The following PECAM1 variants were observed in gnomAD, a reference collection of about 807,000 sequenced individuals.
PECAM1 encodes the protein platelet endothelial cell adhesion molecule.
PECAM1 carries 8 observed loss-of-function variants against 13.8 expected under a neutral mutation model. The observed-to-expected ratio is 0.58, with a 90% CI of 0.34 to 1.05. The LOEUF (loss-of-function observed/expected upper bound fraction) is 1.05. PECAM1 is among the 50% of genes least tolerant of loss of function. The pLI is 0.03. For synonymous variants in PECAM1, 136 were observed against 52.6 expected (o/e 2.58, Z -6.86); for missense variants, 304 against 141.2 (o/e 2.15, Z -5.84).
rs940057581 is a variant in PECAM1 at position 64,385,964 on chromosome 17, C to T, written c.91+4525G>A. Among the ~76,000 whole-genome samples the T allele has an allele frequency of 4.7e-4, 72 of 152,254 alleles. 1 individual carries two copies. The highest frequency in any genetic ancestry group is 1.7e-3 in the African/African-American group (70 of 41,542). On this transcript the variant is annotated intron_variant, in intron 2 of 15. Transcript: ENST00000563924. The stretch of plus-strand genomic sequence containing the variant: ...GCTGTGCTGACAAGCTGGGCCCTGT[C>T]CTGAGGGTGTCAGGAGGGGTGTGAC...
intron 3 of PECAM1, among the ~76,000 whole-genome samples, chr17:64,377,091 CGTT>C (rs2036376309): frequency 6.6e-6 from 1 of 152,126 alleles, no homozygotes; most frequent in South Asian, 2.1e-4. Context: ...AAATGGGTAT[CGTT>C]GTTATCTTCC....
At chr17:64,353,306 TACACACACAC>T (rs138867178) in intron 10 of PECAM1, among the ~76,000 whole-genome samples, 175 bp downstream of exon 10, 2 of 28,302 alleles carry the variant, frequency 7.1e-5, no homozygotes, top group African/African-American at 8.8e-5. Context: ...TCCACGGAGG[TACACACACAC>T]ACACACACAC....
intron 13 of PECAM1, among the ~76,000 whole-genome samples, chr17:64,341,918 G>C (rs919923119): frequency 1.3e-5 from 2 of 152,102 alleles, no homozygotes; most frequent in Non-Finnish European, 2.9e-5. Flanking sequence ...GGGAGGGTGA[G>C]GGGGGCAGAT....
At chr17:64,358,547 T>C (rs200146160) in intron 7 of PECAM1, among the ~76,000 whole-genome samples, 1,557 of 152,296 alleles carry the variant, frequency 0.01, 42 homozygotes, top group African/African-American at 0.035. Flanking sequence ...TTTTTCACAA[T>C]GTTTACCCAC....
At chr17:64,371,701 C>T (rs1416383905) in intron 4 of PECAM1, among the ~76,000 whole-genome samples, 2 of 151,674 alleles carry the variant, frequency 1.3e-5, no homozygotes, top group Non-Finnish European at 2.9e-5. Flanking sequence ...GTGGTGGCAG[C>T]CCCCTGTAAT....
intron 12 of PECAM1, among the ~76,000 whole-genome samples, chr17:64,348,866 G>A (rs1294051709): frequency 4.6e-5 from 7 of 152,178 alleles, no homozygotes; most frequent in South Asian, 2.1e-4. Context: ...ACAGGGCCTC[G>A]GGGCCCATGG....
At chr17:64,360,582 CTGTGTGTGTG>C (rs10589772) in intron 6 of PECAM1, among the ~76,000 whole-genome samples, 167 bp from the exon 7 acceptor site, 48 of 139,480 alleles carry the variant, frequency 3.4e-4, no homozygotes, top group African/African-American at 1.1e-3. Flanking sequence ...GACTGACAGG[CTGTGTGTGTG>C]TGTGTGTGTG....
At chr17:64,339,171 A>G (rs2035363166) in intron 14 of PECAM1, among the ~76,000 whole-genome samples, 1 of 152,120 alleles carries the variant, frequency 6.6e-6, no homozygotes, top group Non-Finnish European at 1.5e-5. Flanking sequence ...TCCTGCAGCG[A>G]GGATCCCTGC....
chr17:64,350,307 GT>G, intron 12 of PECAM1, 72 bp downstream of exon 12: 1 of 404,584 alleles, frequency 2.5e-6, no homozygotes. Context: ...TCAAGTTTTA[GT>G]TTTCTTTTCC....
At chr17:64,373,127 A>G (rs2036279520) in intron 4 of PECAM1, among the ~76,000 whole-genome samples, 1 of 149,280 alleles carries the variant, frequency 6.7e-6, no homozygotes, top group Admixed American at 6.6e-5. Flanking sequence ...AAATAAATAA[A>G]TAAATAAATA....
At chr17:64,361,122 A>G (rs1438380458) in intron 6 of PECAM1, among the ~76,000 whole-genome samples, 2 of 71,694 alleles carry the variant, frequency 2.8e-5, no homozygotes, top group East Asian at 9.6e-4. Flanking sequence ...CACCTGGCTG[A>G]GCATATATGT....
chr17:64,365,627 A>T (rs1381256609), intron 5 of PECAM1, among the ~76,000 whole-genome samples: 4 of 152,078 alleles, frequency 2.6e-5, no homozygotes, highest in Non-Finnish European at 5.9e-5. Flanking sequence ...AAACAGAGAT[A>T]TAGATCAATG....
At chr17:64,378,896 G>A (rs4072032) in intron 2 of PECAM1, 62,519 of 152,112 alleles carry the variant, frequency 0.41, 14,176 homozygotes, top group South Asian at 0.58. Flanking sequence ...TACATTAAGT[G>A]CTTAATAAAT....
intron 4 of PECAM1, among the ~76,000 whole-genome samples, chr17:64,370,631 C>A (rs1278943894): frequency 6.6e-6 from 1 of 152,122 alleles, no homozygotes; most frequent in African/African-American, 2.4e-5. Context: ...ACTTAGGAAG[C>A]CCAGGAGTTC....
intron 2 of PECAM1, among the ~76,000 whole-genome samples, chr17:64,379,781 T>G (rs2036441546): frequency 1.3e-5 from 2 of 152,090 alleles, no homozygotes; most frequent in African/African-American, 2.4e-5. Flanking sequence ...CCCAGAATTT[T>G]GGGAGGCCGA....
rs978141779 is a variant in PECAM1 at position 64,323,270 on chromosome 17, A to G, written c.*546T>C. On this transcript the variant is annotated 3_prime_UTR_variant, in exon 16 of 16. Coordinates refer to ENST00000563924, the MANE Select transcript of PECAM1 (RefSeq NM_000442.5). ...TGCTCCCAAGTAGTCTGGTTTTCCC[A>G]TTTGTGGAGGGCGAGGTCATAGAGG... The G allele has an allele frequency of 2.4e-5, 24 of 992,982 alleles. No individual in the cohort carries two copies. Among genetic ancestry groups the G allele is most frequent in the Non-Finnish European group, 2.8e-5 (23 of 834,482 alleles). 61.5% of individuals were successfully genotyped at this position (992,982 alleles called of 1,614,324 possible). A position where few individuals can be genotyped will look rare whatever the true frequency, so the allele number is the denominator to read the frequency against.
chr17:64,361,595 A>C (rs1275091359), intron 6 of PECAM1, among the ~76,000 whole-genome samples: 2 of 151,798 alleles, frequency 1.3e-5, no homozygotes, highest in African/African-American at 4.8e-5. Flanking sequence ...CTCTACTGAA[A>C]ATACAAAATT....
Position 64,340,465 on chromosome 17 carries a change from A to T in PECAM1, c.2164+1169T>A, listed in dbSNP as rs970625855. Among the ~76,000 whole-genome samples, 109 of 152,254 alleles carry T rather than the reference A, an allele frequency of 7.2e-4. 1 individual carries two copies. Among genetic ancestry groups the T allele is most frequent in the Admixed American group, 1.9e-3 (29 of 15,282 alleles). On this transcript the variant is annotated intron_variant, in intron 14 of 15. Coordinates refer to ENST00000563924, the MANE Select transcript of PECAM1 (RefSeq NM_000442.5). ...CCTTTCCAAGAACCCACTTAAATAG[A>T]GGTCTGCTGTACAAAGCGAGATACT...
Position 64,375,196 on chromosome 17 carries a change from ATTC to A in PECAM1, c.543_545del (p.Lys181del), listed in dbSNP as rs1193177967. On this transcript the variant is annotated inframe_deletion, in exon 4 of 16. Coordinates refer to ENST00000563924, the MANE Select transcript of PECAM1 (RefSeq NM_000442.5). ...GTATCACAAAATTCTGGTCTCGAGA[ATTC>A]TTCTCTCTTTTCAGCTTGACCATTT... 1.5e-5 allele frequency: 7 copies of A among 475,272 alleles called. No individual in the cohort carries two copies. The Admixed American group carries it at 2.2e-4, about 15-fold the overall frequency. The allele number at this position is 475,272 out of a possible 1,614,324, so 29.4% of individuals were successfully genotyped here. A position where few individuals can be genotyped will look rare whatever the true frequency, so the allele number is the denominator to read the frequency against.
Sources: allele counts gnomAD v4.1 joint callset (sites outside exome capture counted in the v4.1 genomes callset), GRCh38; gene constraint gnomAD v4.1.1; transcripts MANE v1.5; gene names NCBI Gene and HGNC (gene_info 2026-07-23, HGNC 2026-07-21).